GALNT11: variants seen among roughly 807,000 people sequenced by gnomAD.
The protein encoded by GALNT11 is polypeptide N-acetylgalactosaminyltransferase 11.
In GALNT11, 47 loss-of-function variants were observed where a neutral mutation model predicts 72.7. That is an observed-to-expected ratio of 0.65 (90% CI 0.51 to 0.82). GALNT11 has a LOEUF of 0.82. Ranked by LOEUF, GALNT11 falls within the 40% of genes least tolerant of loss-of-function variation. The pLI, the probability that GALNT11 is intolerant of heterozygous loss-of-function variation, is 0.00. For synonymous variants in GALNT11, 270 were observed against 286.6 expected (o/e 0.94, Z 0.58); for missense variants, 677 against 778.4 (o/e 0.87, Z 1.55).
At position 152,095,897 on chromosome 7, in the gene GALNT11, A is replaced by G. The variant is rs191776476; in HGVS notation, c.295+1375A>G. ...ATCGTAAAGAATCCACAAAAAACCT[A>G]TTAGAGGTAATAAATGAATTTGGCA... is the stretch of plus-strand genomic sequence containing the variant. On this transcript the variant is annotated intron_variant, in intron 2 of 11. Coordinates refer to ENST00000430044, the MANE Select transcript of GALNT11 (RefSeq NM_022087.4). Among the ~76,000 whole-genome samples the G allele has an allele frequency of 1.1e-4, 17 of 152,328 alleles. No homozygotes were observed. In the East Asian group the frequency reaches 3.3e-3, roughly 29 times the overall value.
intron 1 of GALNT11, among the ~76,000 whole-genome samples, chr7:152,049,224 C>T (rs972403146): frequency 1.3e-5 from 2 of 152,106 alleles, no homozygotes; most frequent in African/African-American, 2.4e-5. Context: ...AGGTATTTAT[C>T]GTAGTCTTCA....
chr7:152,076,726 CTG>C (rs2085004671), intron 1 of GALNT11, among the ~76,000 whole-genome samples: 1 of 152,194 alleles, frequency 6.6e-6, no homozygotes, highest in Admixed American at 6.5e-5. Flanking sequence ...ATTCAGAACA[CTG>C]TGCGGGATAG....
chr7:152,094,299 TTTTG>T lies in GALNT11; in HGVS notation c.76_79del (p.Val26IlefsTer7). On this transcript the variant is annotated frameshift_variant, in exon 2 of 12. Transcript: ENST00000430044. LOFTEE classifies it high-confidence loss of function. The surrounding 1 kb of genome is among the most constrained non-coding windows in gnomAD (Gnocchi z 4.3). Reference sequence around the variant, plus strand: ...CATCTGCGACCTGGACAGTTTTGCTTTTTGTTTATTTCAACTTCAGTGAAGTGAC... The same window carrying T: ...CATCTGCGACCTGGACAGTTTTGCTTTTTATTTCAACTTCAGTGAAGTGAC... 6.2e-7 allele frequency: 1 copy of T among 1,614,166 alleles called. No individual in the cohort carries two copies. The highest frequency in any genetic ancestry group is 8.5e-7 in the Non-Finnish European group (1 of 1,180,002).
chr7:152,119,117 G>C (rs6970783), intron 10 of GALNT11: 5,024 of 176,152 alleles, frequency 0.029, 272 homozygotes, highest in African/African-American at 0.11. Context: ...TCGTCATAGA[G>C]CATTTTAGTT....
At chr7:152,107,280 T>C (rs1163865296) in intron 5 of GALNT11, 3 of 152,000 alleles carry the variant, frequency 2.0e-5, no homozygotes, top group Non-Finnish European at 4.4e-5. Context: ...TGCTCACATT[T>C]ATCAAGAGGA....
At chr7:152,059,904 G>A (rs2083904378) in intron 1 of GALNT11, among the ~76,000 whole-genome samples, 1 of 152,228 alleles carries the variant, frequency 6.6e-6, no homozygotes, top group African/African-American at 2.4e-5. Flanking sequence ...TAACAAGAGA[G>A]TCACCCTATT....
intron 6 of GALNT11, 107 bp downstream of exon 6, chr7:152,108,394 G>C: frequency 6.8e-7 from 1 of 1,474,456 alleles, no homozygotes. Context: ...AAAAGTGTTA[G>C]ACTTAATTTG....
intron 1 of GALNT11, among the ~76,000 whole-genome samples, chr7:152,044,299 C>G (rs2083012612): frequency 6.6e-6 from 1 of 152,206 alleles, no homozygotes; most frequent in Admixed American, 6.5e-5. Context: ...TTACCTGCAG[C>G]ATGAACTTGT....
intron 1 of GALNT11, among the ~76,000 whole-genome samples, chr7:152,077,498 G>A (rs2085056577): frequency 6.6e-6 from 1 of 152,112 alleles, no homozygotes; most frequent in Admixed American, 6.5e-5. Flanking sequence ...TGGGGTTAAT[G>A]TTGAAACCTT....
chr7:152,089,522 C>T lies in GALNT11; in HGVS notation c.-38-4668C>T, dbSNP rs966115919. 7.8e-4 allele frequency among the ~76,000 whole-genome samples: 118 copies of T among 152,252 alleles called. 1 individual carries two copies. Among genetic ancestry groups the T allele is most frequent in the African/African-American group, 2.6e-3 (106 of 41,546 alleles). ...CTGTCTCCATTGGCTGGAGCCAGACCGCGCAATCTAAACTAAAACCCGATT... is the reference window on the plus strand; with the variant it reads ...CTGTCTCCATTGGCTGGAGCCAGACTGCGCAATCTAAACTAAAACCCGATT... On this transcript the variant is annotated intron_variant, in intron 1 of 11. Coordinates refer to ENST00000430044, the MANE Select transcript of GALNT11 (RefSeq NM_022087.4).
chr7:152,102,999 CAGG>C (rs2129050542), intron 3 of GALNT11, 110 bp from the exon 4 acceptor site: 1 of 937,216 alleles, frequency 1.1e-6, no homozygotes, highest in East Asian at 2.8e-5. Context: ...AAAAAAAAGG[CAGG>C]GGGTGGGGGA....
At chr7:152,110,393 TG>T in intron 6 of GALNT11, 134 bp from the exon 7 acceptor site, 1 of 729,344 alleles carries the variant, frequency 1.4e-6, no homozygotes, top group African/African-American at 1.8e-5. Context: ...TCTCTGATAC[TG>T]GATAAAATGA....
chr7:152,047,373 A>G (rs1212874489), intron 1 of GALNT11, among the ~76,000 whole-genome samples: 1 of 152,180 alleles, frequency 6.6e-6, no homozygotes, highest in Non-Finnish European at 1.5e-5. Flanking sequence ...CTGAGGCAGG[A>G]GAATCACTTG....
At chr7:152,110,694 A>ATT (rs1563079068) in intron 7 of GALNT11, 49 bp downstream of exon 7, 1 of 1,243,140 alleles carries the variant, frequency 8.0e-7, no homozygotes, top group East Asian at 2.4e-5. Flanking sequence ...GTGGAATATG[A>ATT]TTTTCATCCA....
At position 152,111,616 on chromosome 7, in the gene GALNT11, C is replaced by CTG. The variant is rs540244396; in HGVS notation, c.1080+983_1080+984dup. Among the ~76,000 whole-genome samples the CTG allele has an allele frequency of 6.0e-3, 904 of 150,558 alleles. 12 individuals carry two copies. Among genetic ancestry groups the CTG allele is most frequent in the African/African-American group, 0.021 (861 of 40,656 alleles). On this transcript the variant is annotated intron_variant, in intron 7 of 11. Transcript: ENST00000430044. Reference sequence around the variant, plus strand: ...AGTCTCCAGTATCTGTTATTCCACTCTGTGTGTGTGTGTATATATATATAT... The same window carrying CTG: ...AGTCTCCAGTATCTGTTATTCCACTCTGTGTGTGTGTGTGTATATATATATAT...
At chr7:152,042,174 G>A (rs181148364) in intron 1 of GALNT11, among the ~76,000 whole-genome samples, 9 of 152,296 alleles carry the variant, frequency 5.9e-5, no homozygotes, top group African/African-American at 2.2e-4. Context: ...TGCAAGAATT[G>A]TAAATACAAA....
intron 1 of GALNT11, among the ~76,000 whole-genome samples, chr7:152,043,461 G>A (rs554939464): frequency 1.2e-4 from 18 of 152,320 alleles, no homozygotes; most frequent in South Asian, 1.0e-3. Context: ...AAATGGGGCC[G>A]GGAACTGGCC....
rs537281438 is a variant in GALNT11 at position 152,066,159 on chromosome 7, C to T, written c.-38-28031C>T. On this transcript the variant is annotated intron_variant, in intron 1 of 11. Transcript: ENST00000430044. ...ATGGCGGGCACCCCTCCCCCAGCCT[C>T]GCTGCTGCCTTGCAGTTCGATCTCA... Among the ~76,000 whole-genome samples, 363 of 152,328 alleles carry T rather than the reference C, an allele frequency of 2.4e-3. 1 individual carries two copies. Among genetic ancestry groups the T allele is most frequent in the African/African-American group, 8.3e-3 (345 of 41,576 alleles).
chr7:152,027,001 G>A (rs1343585492), intron 1 of GALNT11, among the ~76,000 whole-genome samples: 2 of 152,216 alleles, frequency 1.3e-5, no homozygotes, highest in African/African-American at 4.8e-5. Flanking sequence ...TGTAATCCCA[G>A]CACTTTGGAA....
Sources: allele counts gnomAD v4.1 joint callset (sites outside exome capture counted in the v4.1 genomes callset), GRCh38; gene constraint gnomAD v4.1.1; non-coding constraint Gnocchi (gnomAD v3.1); transcripts MANE v1.5; gene names NCBI Gene and HGNC (gene_info 2026-07-23, HGNC 2026-07-21).